Variants in SLC22A23 observed in about 807,000 individuals in gnomAD.
SLC22A23 encodes solute carrier family 22 member 23, also known as ion transporter protein.
A neutral mutation model predicts 61.0 loss-of-function variants in SLC22A23; 26 were observed. The observed-to-expected ratio is 0.43, with a 90% CI of 0.31 to 0.59. The LOEUF is 0.59. Among genes scored for constraint, SLC22A23 ranks in the 20% least tolerant of loss-of-function variants. The probability of loss-of-function intolerance (pLI) is 0.11; values close to 1 mark genes in which losing one functional copy is unlikely to be tolerated. For missense variants in SLC22A23, 796 were observed against 934.7 expected, an observed-to-expected ratio of 0.85 and a Z score of 1.94; for synonymous variants, 430 against 413.9, an observed-to-expected ratio of 1.04 and a Z score of -0.47.
At chr6:3,397,089 G>A (rs993799723) in intron 3 of SLC22A23, among the ~76,000 whole-genome samples, 61 of 152,128 alleles carry the variant, frequency 4.0e-4, no homozygotes, top group Non-Finnish European at 6.9e-4. Context: ...CAGCCTGTCC[G>A]CTTTATGCTC....
At chr6:3,279,509 C>CAAAAAAAAAAAAAAAAAAAAAAAAAAAA (rs10642564) in intron 9 of SLC22A23, among the ~76,000 whole-genome samples, 2 of 36,016 alleles carry the variant, frequency 5.6e-5, no homozygotes, top group Non-Finnish European at 5.7e-5. Context: ...GGCTCCGTCT[C>CAAAAAAAAAAAAAAAAAAAAAAAAAAAA]AAAAAAAAAA....
intron 4 of SLC22A23, among the ~76,000 whole-genome samples, chr6:3,300,925 G>A (rs1761556798): frequency 6.6e-6 from 1 of 152,146 alleles, no homozygotes; most frequent in Admixed American, 6.5e-5. Flanking sequence ...GGAGGGCCGT[G>A]TGGAATGGAC....
In SLC22A23 at chr6:3,285,105, C is replaced by A; in HGVS notation, c.1553G>T (p.Gly518Val). 6.2e-7 allele frequency: 1 copy of A among 1,613,456 alleles called. No homozygotes were observed. The highest frequency in any genetic ancestry group is 8.5e-7 in the Non-Finnish European group (1 of 1,179,682). ...TGAGTCTGGGTGCTGGCTGTACTTT[C>A]CAATCACTGGACCCGCAGACATGAT... is the stretch of plus-strand genomic sequence containing the variant. Reference protein sequence around the residue: ...LLQLGLLNLIGKYSQHPDSGM... With the variant: ...LLQLGLLNLIVKYSQHPDSGM... The change falls in exon 8 of 10, where the codon GGA (glycine) becomes GTA (valine). Residue 518 changes from glycine (G) to valine (V), a missense_variant. Coordinates refer to ENST00000406686, the MANE Select transcript of SLC22A23 (RefSeq NM_015482.2).
chr6:3,415,643 G>A (rs1473426851), intron 2 of SLC22A23, 109 bp downstream of exon 2: 3 of 751,744 alleles, frequency 4.0e-6, no homozygotes, highest in African/African-American at 1.7e-5. Context: ...TTCTGCTCTG[G>A]CACTGGGAAA....
At chr6:3,421,474 G>A (rs1261818754) in intron 1 of SLC22A23, among the ~76,000 whole-genome samples, 6 of 152,178 alleles carry the variant, frequency 3.9e-5, no homozygotes, top group Non-Finnish European at 7.3e-5. Flanking sequence ...ATGAATGATC[G>A]AGGAAAATGC....
At chr6:3,455,400 G>A (rs748815219) in intron 1 of SLC22A23, among the ~76,000 whole-genome samples, 38 of 152,246 alleles carry the variant, frequency 2.5e-4, no homozygotes, top group Non-Finnish European at 4.7e-4. Flanking sequence ...TATCTTTGGG[G>A]AGGACTAAGC....
At chr6:3,323,543 G>A (rs888987122) in intron 4 of SLC22A23, 13 of 497,428 alleles carry the variant, frequency 2.6e-5, no homozygotes, top group East Asian at 3.7e-5. Context: ...GAATAACCCC[G>A]TGGGGTGGGT....
intron 3 of SLC22A23, among the ~76,000 whole-genome samples, chr6:3,364,269 C>T (rs919698639): frequency 3.9e-5 from 6 of 152,154 alleles, no homozygotes; most frequent in Admixed American, 2.0e-4. Context: ...TGAGTGCATT[C>T]GATTTTCACG....
rs148984648 is a variant in SLC22A23 at position 3,386,007 on chromosome 6, C to A, written c.913+24181G>T. On this transcript the variant is annotated intron_variant, in intron 3 of 9. Coordinates refer to ENST00000406686, the MANE Select transcript of SLC22A23 (RefSeq NM_015482.2). This position sits in a 1 kb window ranked among gnomAD's most constrained non-coding sequence, Gnocchi z 4.4. ...CAAACACCCAAGCCCCGCATTTGAG[C>A]AGGACGCTGCCAGATGTGACACATC... Among the ~76,000 whole-genome samples, 5 of 152,316 alleles carry A rather than the reference C, an allele frequency of 3.3e-5. No individual in the cohort carries two copies. The highest frequency in any genetic ancestry group is 4.4e-5 in the Non-Finnish European group (3 of 68,028).
At chr6:3,275,511 G>A (rs532677638) in intron 9 of SLC22A23, among the ~76,000 whole-genome samples, 3 of 152,206 alleles carry the variant, frequency 2.0e-5, no homozygotes, top group African/African-American at 7.2e-5. Context: ...AAAGATACAT[G>A]TTTAAGAAAA....
chr6:3,384,699 A>G (rs1767175905), intron 3 of SLC22A23, among the ~76,000 whole-genome samples: 2 of 152,258 alleles, frequency 1.3e-5, no homozygotes, highest in African/African-American at 4.8e-5. Context: ...CAAAGAACAC[A>G]GTGATTTTAA....
rs566584226 is a variant in SLC22A23, at chr6:3,421,804, C to T, written c.655-5949G>A. On this transcript the variant is annotated intron_variant, in intron 1 of 9. Coordinates refer to ENST00000406686, the MANE Select transcript of SLC22A23 (RefSeq NM_015482.2). ...CAAACCAACAAAGGAAAAACCTTTT[C>T]GCCTTCTCGGAAACACGTATTTTAA... Among the ~76,000 whole-genome samples the T allele has an allele frequency of 1.1e-4, 17 of 152,244 alleles. No individual in the cohort carries two copies. In the East Asian group the frequency reaches 1.2e-3, roughly 10 times the overall value.
At chr6:3,380,250 G>T (rs1047282745) in intron 3 of SLC22A23, among the ~76,000 whole-genome samples, 6 of 152,156 alleles carry the variant, frequency 3.9e-5, no homozygotes, top group Non-Finnish European at 1.5e-5. Context: ...GAAATGAATT[G>T]GTCTGGGTGA....
At chr6:3,278,141 A>G (rs1027198113) in intron 9 of SLC22A23, among the ~76,000 whole-genome samples, 2 of 152,262 alleles carry the variant, frequency 1.3e-5, no homozygotes, top group Admixed American at 6.5e-5. Flanking sequence ...TAGTAGATGC[A>G]TGCTACTTCA....
chr6:3,352,040 G>A (rs1466248826), intron 3 of SLC22A23, among the ~76,000 whole-genome samples: 2 of 152,178 alleles, frequency 1.3e-5, no homozygotes, highest in Non-Finnish European at 2.9e-5. Context: ...GCGTCAAGGC[G>A]AAAGCACTCC....
intron 1 of SLC22A23, among the ~76,000 whole-genome samples, chr6:3,453,396 G>A (rs1401126791): frequency 6.6e-6 from 1 of 152,168 alleles, no homozygotes. Flanking sequence ...TTCCATCGAT[G>A]GAAGTGTTCA....
At chr6:3,355,712 A>T (rs558420851) in intron 3 of SLC22A23, among the ~76,000 whole-genome samples, 2 of 151,770 alleles carry the variant, frequency 1.3e-5, no homozygotes, top group Admixed American at 6.6e-5. Context: ...ATTTACTCTC[A>T]ATTTCTGGCT....
At chr6:3,288,139 G>C (rs1760224577) in intron 6 of SLC22A23, among the ~76,000 whole-genome samples, 1 of 152,204 alleles carries the variant, frequency 6.6e-6, no homozygotes, top group South Asian at 2.1e-4. Flanking sequence ...GGAGGCTGCT[G>C]ATGGCCATCC....
chr6:3,443,858 C>T (rs973752725), intron 1 of SLC22A23, among the ~76,000 whole-genome samples: 5 of 152,076 alleles, frequency 3.3e-5, no homozygotes, highest in African/African-American at 1.2e-4. Flanking sequence ...AAGCATCAGG[C>T]GAAGCCAGTT....
Sources: gnomAD v4.1 joint callset for allele counts (sites outside exome capture counted in the v4.1 genomes callset) on GRCh38, gnomAD v4.1.1 for gene constraint, Gnocchi (gnomAD v3.1) non-coding constraint, MANE v1.5 for transcripts, NCBI Gene and HGNC (gene_info 2026-07-23, HGNC 2026-07-21) for gene names.